Variants in SLC8A1 observed in about 807,000 individuals in gnomAD.
SLC8A1 encodes the protein solute carrier family 8 member A1.
SLC8A1 carries 18 observed loss-of-function variants against 68.3 expected under a neutral mutation model. The observed-to-expected ratio is 0.26, with a 90% CI of 0.18 to 0.39. The LOEUF is 0.39. SLC8A1 is among the 10% of genes least tolerant of loss of function. The pLI is 1.00. For synonymous variants in SLC8A1, 475 were observed against 415.5 expected, an observed-to-expected ratio of 1.14 and a Z score of -1.74; for missense variants, 985 against 1,156.7, an observed-to-expected ratio of 0.85 and a Z score of 2.15.
At chr2:40,273,891 T>C (rs1284672427) in intron 2 of SLC8A1, among the ~76,000 whole-genome samples, 7 of 148,946 alleles carry the variant, frequency 4.7e-5, no homozygotes, top group Admixed American at 6.7e-5. Flanking sequence ...TCCATTTTAG[T>C]TGAGATGTGC....
intron 2 of SLC8A1, among the ~76,000 whole-genome samples, chr2:40,393,063 G>C (rs912347418): frequency 6.6e-6 from 1 of 152,006 alleles, no homozygotes; most frequent in African/African-American, 2.4e-5. Flanking sequence ...TTCATCTTTA[G>C]CTGAACTATA....
chr2:40,441,743 C>G (rs1254439626), intron 1 of SLC8A1, among the ~76,000 whole-genome samples: 1 of 151,866 alleles, frequency 6.6e-6, no homozygotes, highest in Non-Finnish European at 1.5e-5. Context: ...GACCCCTTCC[C>G]TACACCTTAT....
intron 4 of SLC8A1, among the ~76,000 whole-genome samples, chr2:40,166,577 T>C (rs2046591301): frequency 6.6e-6 from 1 of 152,180 alleles, no homozygotes; most frequent in African/African-American, 2.4e-5. Flanking sequence ...AGTGGCAATA[T>C]TTTTTATAGT....
At chr2:40,341,214 C>T (rs1296126667) in intron 2 of SLC8A1, among the ~76,000 whole-genome samples, 2 of 152,060 alleles carry the variant, frequency 1.3e-5, no homozygotes, top group Non-Finnish European at 2.9e-5. Flanking sequence ...AATTAGTTGG[C>T]TTCGTGAAAC....
At chr2:40,220,530 A>C (rs983786124) in intron 2 of SLC8A1, 8 of 152,156 alleles carry the variant, frequency 5.3e-5, no homozygotes, top group African/African-American at 1.9e-4. Context: ...GACTAGTTGA[A>C]TTTTGCAGTT....
intron 2 of SLC8A1, among the ~76,000 whole-genome samples, chr2:40,396,946 G>C (rs561155576): frequency 6.6e-6 from 1 of 152,122 alleles, no homozygotes; most frequent in East Asian, 1.9e-4. Context: ...TTTTGCACAA[G>C]GTTTGACAGG....
chr2:40,267,771 T>C (rs2065532279), intron 2 of SLC8A1, among the ~76,000 whole-genome samples: 1 of 152,218 alleles, frequency 6.6e-6, no homozygotes, highest in Non-Finnish European at 1.5e-5. Context: ...ATTATTTTCC[T>C]GATATTATAG....
At chr2:40,390,987 T>C (rs1035979074) in intron 2 of SLC8A1, among the ~76,000 whole-genome samples, 6 of 152,072 alleles carry the variant, frequency 3.9e-5, no homozygotes, top group African/African-American at 1.4e-4. Context: ...CAGTTTAACA[T>C]GCTGTGGAGA....
chr2:40,316,427 G>A (rs138221916), intron 2 of SLC8A1, among the ~76,000 whole-genome samples: 72 of 152,074 alleles, frequency 4.7e-4, no homozygotes, highest in African/African-American at 1.5e-3. Context: ...TAATTTGAAC[G>A]TCGTATAGGA....
chr2:40,380,967 G>C (rs1389621300), intron 2 of SLC8A1, among the ~76,000 whole-genome samples: 1 of 152,028 alleles, frequency 6.6e-6, no homozygotes, highest in East Asian at 1.9e-4. Flanking sequence ...CTGACTCACT[G>C]ATTTTCCACA....
intron 2 of SLC8A1, among the ~76,000 whole-genome samples, chr2:40,179,265 T>G (rs2049018134): frequency 6.6e-6 from 1 of 152,250 alleles, no homozygotes; most frequent in African/African-American, 2.4e-5. Context: ...AGTTGAGTTT[T>G]AACTTTCTAT....
intron 6 of SLC8A1, among the ~76,000 whole-genome samples, chr2:40,159,512 C>T (rs192573243): frequency 5.2e-4 from 79 of 152,252 alleles, no homozygotes; most frequent in Admixed American, 3.4e-3. Context: ...TTAATATTTT[C>T]TACTATTGGC....
At chr2:40,344,609 T>C (rs1668693304) in intron 2 of SLC8A1, among the ~76,000 whole-genome samples, 1 of 152,178 alleles carries the variant, frequency 6.6e-6, no homozygotes, top group Admixed American at 6.5e-5. Context: ...AAAGCATCTG[T>C]TGAGAATAAC....
At chr2:40,164,705 T>A (rs1420389878) in intron 5 of SLC8A1, 149 bp downstream of exon 8, 4 of 1,020,044 alleles carry the variant, frequency 3.9e-6, no homozygotes, top group Non-Finnish European at 5.8e-6. Context: ...TAATTCCAAT[T>A]TGGCCCCAAA....
At chr2:40,378,668 T>A (rs996268648) in intron 2 of SLC8A1, among the ~76,000 whole-genome samples, 2 of 152,108 alleles carry the variant, frequency 1.3e-5, no homozygotes, top group African/African-American at 2.4e-5. Flanking sequence ...CTGCCCGTCA[T>A]CTGCAGAGAA....
intron 6 of SLC8A1, among the ~76,000 whole-genome samples, chr2:40,152,497 C>A (rs1399158473): frequency 1.3e-5 from 2 of 152,152 alleles, no homozygotes; most frequent in East Asian, 3.9e-4. Flanking sequence ...CTCTGCCTTC[C>A]AGGTTCAAGT....
chr2:40,297,810 G>C (rs1198740971), intron 2 of SLC8A1, among the ~76,000 whole-genome samples: 2 of 152,106 alleles, frequency 1.3e-5, no homozygotes, highest in African/African-American at 4.8e-5. Flanking sequence ...CAAGAGGAGG[G>C]GCTACTATTA....
chr2:40,178,983 A>AGGG (rs2048964896), intron 2 of SLC8A1, among the ~76,000 whole-genome samples: 1 of 152,216 alleles, frequency 6.6e-6, no homozygotes, highest in Admixed American at 6.5e-5. Context: ...ATAGTTCCAA[A>AGGG]TATAGTATTT....
At chr2:40,201,738 A>G (rs2054398953) in intron 2 of SLC8A1, among the ~76,000 whole-genome samples, 1 of 151,960 alleles carries the variant, frequency 6.6e-6, no homozygotes, top group African/African-American at 2.4e-5. Flanking sequence ...AGTACCCTGA[A>G]GAAGACTTCT....
Sources: allele counts gnomAD v4.1 joint callset (sites outside exome capture counted in the v4.1 genomes callset), GRCh38; gene constraint gnomAD v4.1.1; transcripts MANE v1.5; gene names NCBI Gene and HGNC (gene_info 2026-07-23, HGNC 2026-07-21).